Variants in MYO5C observed in about 807,000 individuals in gnomAD.
The protein encoded by MYO5C is unconventional myosin-Vc.
In MYO5C, 194 loss-of-function variants were observed where a neutral mutation model predicts 235.7. That is an observed-to-expected ratio of 0.82 (90% CI 0.73 to 0.93). MYO5C has a LOEUF of 0.93. MYO5C is among the 40% of genes least tolerant of loss of function. The pLI is 0.00. For missense variants in MYO5C, 2,038 were observed against 2,127.2 expected (o/e 0.96, Z 0.82); for synonymous variants, 707 against 754.8 (o/e 0.94, Z 1.04).
chr15:52,254,234 G>A (rs1264735510), intron 11 of MYO5C, among the ~76,000 whole-genome samples: 3 of 152,200 alleles, frequency 2.0e-5, no homozygotes, highest in Non-Finnish European at 4.4e-5. Context: ...CCGCTGGAGG[G>A]CGGAGGGGTT....
chr15:52,262,252 A>T (rs796756555), intron 9 of MYO5C, among the ~76,000 whole-genome samples: 5 of 152,348 alleles, frequency 3.3e-5, no homozygotes, highest in African/African-American at 1.2e-4. Flanking sequence ...ATGGATCCCA[A>T]ATCTAGGACC....
chr15:52,225,726 T>A (rs1270794792), intron 25 of MYO5C, among the ~76,000 whole-genome samples, 194 bp from the exon 26 acceptor site: 1 of 152,158 alleles, frequency 6.6e-6, no homozygotes, highest in African/African-American at 2.4e-5. Flanking sequence ...CTACTCAAAA[T>A]GCCAGATCTA....
chr15:52,269,112 C>T (rs932846541), intron 8 of MYO5C, among the ~76,000 whole-genome samples: 10 of 152,234 alleles, frequency 6.6e-5, no homozygotes, highest in East Asian at 1.9e-4. Flanking sequence ...AGAGGGCCAA[C>T]GTTCCACTTC....
chr15:52,232,207 G>A (rs1325196673), intron 24 of MYO5C, among the ~76,000 whole-genome samples: 1,886 of 87,024 alleles, frequency 0.022, 532 homozygotes, highest in East Asian at 0.13. Flanking sequence ...AGGAAGGAAG[G>A]AAAAGAAAGA....
At chr15:52,272,434 G>GA in intron 6 of MYO5C, 146 bp downstream of exon 6, 1 of 749,414 alleles carries the variant, frequency 1.3e-6, no homozygotes, top group Non-Finnish European at 2.1e-6. Flanking sequence ...TTAATAAACA[G>GA]AAAAAAGAAT....
rs1315407778 is a variant in MYO5C at position 52,196,347 on chromosome 15, C to T, written c.4957G>A (p.Glu1653Lys). ...AGTGAGGTGCAGCGTTCGTAGATCT[C>T]CTTGGCATCACTGTCTGTGGTCTTC... is the stretch of plus-strand genomic sequence containing the variant. ...VKKTTDSDAK[E>K]IYERCTSLSA... The change falls in exon 39 of 41, where the codon GAG becomes AAG. Residue 1653 changes from glutamate (E) to lysine (K), a missense_variant. Physicochemically the swap from Glu to Lys is moderately conservative, Grantham distance 56. Coordinates refer to ENST00000261839, the MANE Select transcript of MYO5C (RefSeq NM_018728.4). The T allele has an allele frequency of 6.2e-7, 1 of 1,613,778 alleles. No homozygotes were observed. The highest frequency in any genetic ancestry group is 8.5e-7 in the Non-Finnish European group (1 of 1,179,958).
chr15:52,218,519 CCT>C lies in MYO5C; in HGVS notation c.3952_3953del (p.Arg1318GlyfsTer3). On this transcript the variant is annotated frameshift_variant and splice_region_variant, in exon 32 of 41. Coordinates refer to ENST00000261839, the MANE Select transcript of MYO5C (RefSeq NM_018728.4). LOFTEE classifies it high-confidence loss of function. ...QEASRLTLEN[R>X]DLEEELDMKD... ...ATCACCAAGTTAGAAGACTTCTCACCCTGTTTTCCAAAGTGAGCCGGGATGCT... is the reference window on the plus strand; with the variant it reads ...ATCACCAAGTTAGAAGACTTCTCACCGTTTTCCAAAGTGAGCCGGGATGCT... The C allele has an allele frequency of 6.2e-7, 1 of 1,613,960 alleles. No individual in the cohort carries two copies.
At chr15:52,264,127 G>T in intron 9 of MYO5C, 63 bp downstream of exon 9, 1 of 1,291,452 alleles carries the variant, frequency 7.7e-7, no homozygotes, top group Non-Finnish European at 1.1e-6. Flanking sequence ...AGGCAGGTCA[G>T]CTGCGAGCCA....
At chr15:52,291,741 T>TTTTTTTTTTTG (rs2037396817) in intron 1 of MYO5C, among the ~76,000 whole-genome samples, 1 of 91,006 alleles carries the variant, frequency 1.1e-5, no homozygotes, top group Non-Finnish European at 2.5e-5. Context: ...GTTTTTTTTT[T>TTTTTTTTTTTG]TTTTTTTTTT....
chr15:52,212,346 G>A (rs1187236000), intron 34 of MYO5C, among the ~76,000 whole-genome samples: 2 of 152,154 alleles, frequency 1.3e-5, no homozygotes, highest in African/African-American at 4.8e-5. Context: ...TGGTGGAAAC[G>A]CTCAGTGGGG....
In MYO5C at chr15:52,282,804, C is replaced by T. The variant is rs200306910; in HGVS notation, c.116G>A (p.Arg39Gln). The T allele has an allele frequency of 6.8e-6, 11 of 1,612,178 alleles. No homozygotes were observed. Among genetic ancestry groups the T allele is most frequent in the African/African-American group, 4.0e-5 (3 of 75,028 alleles). Residue 39 changes from arginine (R) to glutamine (Q), a missense_variant, in exon 2 of 41, where the codon CGA becomes CAA. Arg to Gln is a conservative substitution (Grantham distance 43, BLOSUM62 1). Coordinates refer to ENST00000261839, the MANE Select transcript of MYO5C (RefSeq NM_018728.4). Reference sequence around the variant, plus strand: ...CACCGTTCCATCCTCCAGCAGGAGTCGCAGGACCTTGTCACCAACTCTGTA... The same window carrying T: ...CACCGTTCCATCCTCCAGCAGGAGTTGCAGGACCTTGTCACCAACTCTGTA... The part of the protein sequence containing the change: ...KDYRVGDKVL[R>Q]LLLEDGTELD...
At chr15:52,199,697 A>T (rs2035141281) in intron 38 of MYO5C, among the ~76,000 whole-genome samples, 2 of 152,118 alleles carry the variant, frequency 1.3e-5, no homozygotes, top group African/African-American at 4.8e-5. Flanking sequence ...CTATTCTCTC[A>T]TGCTCAAGTT....
At chr15:52,253,583 C>A in intron 11 of MYO5C, 126 bp from the exon 12 acceptor site, 1 of 911,676 alleles carries the variant, frequency 1.1e-6, no homozygotes, top group Non-Finnish European at 1.7e-6. Context: ...AAAGAAGGAC[C>A]CTGAAGTATA....
intron 8 of MYO5C, among the ~76,000 whole-genome samples, chr15:52,267,274 C>T (rs958107660): frequency 5.9e-5 from 9 of 152,214 alleles, no homozygotes; most frequent in African/African-American, 2.2e-4. Context: ...AGCTAGCAGG[C>T]AGGGAGTAGC....
intron 19 of MYO5C, chr15:52,243,125 C>T (rs1343162955): frequency 1.3e-5 from 2 of 152,202 alleles, no homozygotes; most frequent in African/African-American, 4.8e-5. Context: ...CTTATGAATG[C>T]ACCCAGGCTA....
At chr15:52,236,042 A>T (rs985648381) in intron 22 of MYO5C, among the ~76,000 whole-genome samples, 36 of 152,106 alleles carry the variant, frequency 2.4e-4, no homozygotes, top group Non-Finnish European at 4.7e-4. Context: ...AATGTCAAGG[A>T]CATACTTCTT....
chr15:52,253,568 T>A (rs2036517334), intron 11 of MYO5C, 111 bp from the exon 12 acceptor site: 1 of 1,057,344 alleles, frequency 9.5e-7, no homozygotes, highest in Admixed American at 2.6e-5. Flanking sequence ...AATATTTATG[T>A]TTAAAAAGAA....
At chr15:52,294,622 T>C (rs2037460187) in intron 1 of MYO5C, among the ~76,000 whole-genome samples, 1 of 152,232 alleles carries the variant, frequency 6.6e-6, no homozygotes, top group African/African-American at 2.4e-5. Context: ...TCCACTCGTC[T>C]GAATACTGAG....
chr15:52,291,739 T>TTTTTGTTG (rs1555422089), intron 1 of MYO5C, among the ~76,000 whole-genome samples: 5 of 75,626 alleles, frequency 6.6e-5, no homozygotes, highest in Non-Finnish European at 1.4e-4. Flanking sequence ...ATGTTTTTTT[T>TTTTTGTTG]TTTTTTTTTT....
Sources: allele counts gnomAD v4.1 joint callset (sites outside exome capture counted in the v4.1 genomes callset), GRCh38; gene constraint gnomAD v4.1.1; transcripts MANE v1.5; gene names NCBI Gene and HGNC (gene_info 2026-07-23, HGNC 2026-07-21).